Variants in TMEM207 observed in about 807,000 individuals in gnomAD.
TMEM207 encodes the protein transmembrane protein 207, also known as SRSR846.
In TMEM207, 15 loss-of-function variants were observed where a neutral mutation model predicts 17.4. The ratio of observed to expected loss-of-function variants is 0.86; its 90% CI spans 0.58 to 1.33. The LOEUF (loss-of-function observed/expected upper bound fraction) is 1.33, where lower values mean the gene tolerates loss of function less well. Ranked by LOEUF, TMEM207 falls within the 40% of genes most tolerant of loss-of-function variation. The pLI is 0.00. For missense variants in TMEM207, 205 were observed against 173.8 expected (o/e 1.18, Z -1.01); for synonymous variants, 70 against 65.6 (o/e 1.07, Z -0.33).
chr3:190,429,901 T>C (rs1245713161), intron 4 of TMEM207, among the ~76,000 whole-genome samples, 170 bp from the exon 5 acceptor site: 1 of 118,168 alleles, frequency 8.5e-6, no homozygotes, highest in Non-Finnish European at 1.7e-5. Flanking sequence ...GAAGGTTTAG[T>C]CACCACAGGG....
At chr3:190,438,413 C>T (rs959633731) in intron 4 of TMEM207, among the ~76,000 whole-genome samples, 3 of 151,738 alleles carry the variant, frequency 2.0e-5, no homozygotes, top group African/African-American at 7.3e-5. Context: ...TCAGCCTTGA[C>T]CCTTCCTTCA....
chr3:190,443,157 T>TG (rs1420467529), intron 2 of TMEM207, among the ~76,000 whole-genome samples: 4 of 149,586 alleles, frequency 2.7e-5, no homozygotes, highest in East Asian at 1.9e-4. Context: ...TTTTTTTTTT[T>TG]TTGTTTTGTT....
At chr3:190,444,568 G>A in intron 2 of TMEM207, 1 of 488,858 alleles carries the variant, frequency 2.0e-6, no homozygotes, top group Non-Finnish European at 2.7e-6. Context: ...CCAATAGTGA[G>A]ATCAGTTTGT....
At chr3:190,436,335 A>T (rs1358707651) in intron 4 of TMEM207, among the ~76,000 whole-genome samples, 1 of 152,238 alleles carries the variant, frequency 6.6e-6, no homozygotes, top group Non-Finnish European at 1.5e-5. Context: ...TTTGTGCTCA[A>T]GAAATGGCAG....
In TMEM207 at chr3:190,440,217, G is replaced by C. The variant is rs373485354; in HGVS notation, c.304+27C>G. ...CGCAAAACCACAAAGTATCAAAAAAGAGTCCAGAAGCGTGCAGACAACTCA... is the reference window on the plus strand; with the variant it reads ...CGCAAAACCACAAAGTATCAAAAAACAGTCCAGAAGCGTGCAGACAACTCA... On this transcript the variant is annotated intron_variant, in intron 4 of 4. Coordinates refer to ENST00000354905, the MANE Select transcript of TMEM207 (RefSeq NM_207316.3). 7.0e-6 allele frequency: 11 copies of C among 1,578,314 alleles called. No homozygotes were observed. In the African/African-American group the frequency reaches 1.5e-4, roughly 22 times the overall value.
chr3:190,447,382 T>G (rs1305564892), intron 2 of TMEM207, among the ~76,000 whole-genome samples: 1 of 152,156 alleles, frequency 6.6e-6, no homozygotes, highest in Non-Finnish European at 1.5e-5. Flanking sequence ...CAGTACAGGT[T>G]AGAATTTTGG....
At chr3:190,434,033 C>T (rs537379363) in intron 4 of TMEM207, among the ~76,000 whole-genome samples, 92 of 152,286 alleles carry the variant, frequency 6.0e-4, no homozygotes, top group African/African-American at 2.1e-3. Context: ...CAGATGTCAG[C>T]ATCATGCTTC....
chr3:190,442,459 C>G (rs1252307155), intron 2 of TMEM207, among the ~76,000 whole-genome samples: 3 of 152,202 alleles, frequency 2.0e-5, no homozygotes, highest in Non-Finnish European at 4.4e-5. Flanking sequence ...ATCCCATCAT[C>G]ATACCAGTCA....
rs1207450040 is a variant in TMEM207, at chr3:190,449,794, G to A, written c.16C>T (p.Leu6Phe). The stretch of plus-strand genomic sequence containing the variant: ...GAGATCGCTGAGGTGACACTGAAAA[G>A]TCTGGATCTTGACATATTTAAAGGA... MSRSR[L>F]FSVTSAISTI... is the part of the protein sequence containing the mutation. Residue 6 changes from leucine (L) to phenylalanine (F), a missense_variant, in exon 1 of 5, where the codon CTT becomes TTT. Leu to Phe is a conservative substitution (Grantham distance 22). Transcript: ENST00000354905. The A allele has an allele frequency of 2.5e-6, 4 of 1,613,828 alleles. No individual in the cohort carries two copies. The highest frequency in any genetic ancestry group is 3.4e-6 in the Non-Finnish European group (4 of 1,179,780).
chr3:190,447,780 G>A lies in TMEM207; in HGVS notation c.113+10C>T. ...AAATAAAAACATGGAGTTTTTCGCT[G>A]TTTACTTACATTTCATCTTCTTCGC... On this transcript the variant is annotated intron_variant, in intron 2 of 4. Transcript: ENST00000354905. 1 of 1,610,848 alleles carries A rather than the reference G, an allele frequency of 6.2e-7. No individual in the cohort carries two copies. Among genetic ancestry groups the A allele is most frequent in the Non-Finnish European group, 8.5e-7 (1 of 1,178,708 alleles).
chr3:190,449,619 A>C, intron 1 of TMEM207, 116 bp downstream of exon 1: 1 of 894,490 alleles, frequency 1.1e-6, no homozygotes, highest in Non-Finnish European at 1.8e-6. Flanking sequence ...GCTTGAAGGA[A>C]ATCTTTTAAA....
At chr3:190,441,976 T>C (rs1279264666) in intron 2 of TMEM207, among the ~76,000 whole-genome samples, 1 of 152,168 alleles carries the variant, frequency 6.6e-6, no homozygotes, top group Non-Finnish European at 1.5e-5. Flanking sequence ...GGAAAGAAAT[T>C]AGGCTAGGAG....
intron 4 of TMEM207, among the ~76,000 whole-genome samples, chr3:190,431,906 T>C (rs991051181): frequency 7.9e-5 from 12 of 152,184 alleles, no homozygotes; most frequent in Non-Finnish European, 1.8e-4. Context: ...AGGCATTTGG[T>C]AAACATAATT....
intron 2 of TMEM207, chr3:190,444,330 A>G (rs1719999446): frequency 1.4e-6 from 1 of 714,432 alleles, no homozygotes; most frequent in African/African-American, 1.9e-5. Flanking sequence ...TGGAAGTGGT[A>G]GAAGTAGGTT....
intron 2 of TMEM207, among the ~76,000 whole-genome samples, chr3:190,445,481 A>G (rs930173587): frequency 6.6e-6 from 1 of 152,228 alleles, no homozygotes; most frequent in Non-Finnish European, 1.5e-5. Context: ...AGAAAAACGT[A>G]CCCTGGTGTT....
At chr3:190,445,588 C>T (rs9845532) in intron 2 of TMEM207, among the ~76,000 whole-genome samples, 26,045 of 152,196 alleles carry the variant, frequency 0.17, 2,826 homozygotes, top group Middle Eastern at 0.3. Flanking sequence ...TGCAGTGGTG[C>T]GATCTCGGCT....
chr3:190,436,990 C>T (rs1010644719), intron 4 of TMEM207, among the ~76,000 whole-genome samples: 3 of 152,026 alleles, frequency 2.0e-5, no homozygotes, highest in Non-Finnish European at 2.9e-5. Flanking sequence ...GGTGGAACAA[C>T]CTAACAATGA....
intron 2 of TMEM207, among the ~76,000 whole-genome samples, chr3:190,445,299 T>C (rs988219208): frequency 2.1e-4 from 32 of 152,358 alleles, no homozygotes; most frequent in African/African-American, 7.7e-4. Context: ...TCAGTGTCCT[T>C]GGCTATTTAT....
Position 190,429,309 on chromosome 3 carries a change from C to T in TMEM207, c.*286G>A, listed in dbSNP as rs926001239. On this transcript the variant is annotated 3_prime_UTR_variant, in exon 5 of 5. Coordinates refer to ENST00000354905, the MANE Select transcript of TMEM207 (RefSeq NM_207316.3). ...TAAATGTGATGGAAACTACTTCCAGCACCTAATTGTTGCCTGTTTGGATAC... is the reference window on the plus strand; with the variant it reads ...TAAATGTGATGGAAACTACTTCCAGTACCTAATTGTTGCCTGTTTGGATAC... 1 of 336,598 alleles carries T rather than the reference C, an allele frequency of 3.0e-6. No homozygotes were observed. The highest frequency in any genetic ancestry group is 5.5e-6 in the Non-Finnish European group (1 of 181,280). The allele number at this position is 336,598 out of a possible 1,614,324, so 20.9% of individuals were successfully genotyped here.
Sources: gnomAD v4.1 joint callset for allele counts (sites outside exome capture counted in the v4.1 genomes callset) on GRCh38, gnomAD v4.1.1 for gene constraint, MANE v1.5 for transcripts, NCBI Gene and HGNC (gene_info 2026-07-23, HGNC 2026-07-21) for gene names.